The following GPC5 variants were observed in gnomAD, a reference collection of about 807,000 sequenced individuals.
GPC5 encodes glypican-5.
Under a neutral mutation model 53.9 loss-of-function variants are expected in GPC5, and 47 were observed. That is an observed-to-expected ratio of 0.87 (90% CI 0.69 to 1.11). GPC5 has a LOEUF of 1.11. Among genes scored for constraint, GPC5 ranks in the 50% most tolerant of loss-of-function variants. The pLI, the probability that GPC5 is intolerant of heterozygous loss-of-function variation, is 0.00. For missense variants in GPC5, 748 were observed against 713.1 expected, an observed-to-expected ratio of 1.05 and a Z score of -0.56; for synonymous variants, 286 against 263.3, an observed-to-expected ratio of 1.09 and a Z score of -0.84.
In GPC5 at chr13:91,984,446, C is replaced by T. The variant is rs552367305; in HGVS notation, c.1401+76389C>T. 4.6e-5 allele frequency among the ~76,000 whole-genome samples: 7 copies of T among 152,278 alleles called. No homozygotes were observed. In the South Asian group the frequency reaches 1.4e-3, roughly 32 times the overall value. On this transcript the variant is annotated intron_variant, in intron 6 of 7. Coordinates refer to ENST00000377067, the MANE Select transcript of GPC5 (RefSeq NM_004466.6). ...GCTATAGTCCCTGATCTGCACTTTA[C>T]GTGGTACTCTTGATTGTACAGCACA...
intron 7 of GPC5, among the ~76,000 whole-genome samples, chr13:92,236,708 G>A (rs530425880): frequency 1.3e-4 from 20 of 152,090 alleles, no homozygotes; most frequent in African/African-American, 3.4e-4. Context: ...ATATCATCAC[G>A]AATTAATAAA....
At chr13:91,482,057 T>C (rs1383306904) in intron 2 of GPC5, among the ~76,000 whole-genome samples, 2 of 152,220 alleles carry the variant, frequency 1.3e-5, no homozygotes, top group Non-Finnish European at 2.9e-5. Flanking sequence ...GCCTCCTTGG[T>C]TACAATGATT....
At chr13:92,799,793 G>A (rs1207811221) in intron 7 of GPC5, among the ~76,000 whole-genome samples, 5 of 151,616 alleles carry the variant, frequency 3.3e-5, no homozygotes, top group African/African-American at 4.8e-5. Flanking sequence ...TCTATCAGTC[G>A]CTTTTCTCCT....
intron 5 of GPC5, among the ~76,000 whole-genome samples, chr13:91,861,134 A>G (rs998156733): frequency 6.6e-6 from 1 of 152,140 alleles, no homozygotes; most frequent in Non-Finnish European, 1.5e-5. Flanking sequence ...TTAACTCAGC[A>G]TTTGGCCTAT....
chr13:91,422,502 A>G (rs1023135983), intron 1 of GPC5, among the ~76,000 whole-genome samples: 1 of 152,176 alleles, frequency 6.6e-6, no homozygotes, highest in East Asian at 1.9e-4. Flanking sequence ...CAGGCATGGT[A>G]GTAGGTGCCT....
At chr13:92,698,452 T>A (rs968859645) in intron 7 of GPC5, among the ~76,000 whole-genome samples, 14 of 152,142 alleles carry the variant, frequency 9.2e-5, no homozygotes, top group Admixed American at 8.5e-4. Flanking sequence ...TTGCTGAGAA[T>A]GATGGTTTCC....
intron 7 of GPC5, among the ~76,000 whole-genome samples, chr13:92,849,050 A>G (rs962326386): frequency 2.2e-4 from 34 of 152,120 alleles, no homozygotes; most frequent in African/African-American, 8.0e-4. Flanking sequence ...TATTTTCATA[A>G]GATCTTGTTG....
At chr13:92,706,212 A>ATGTT (rs1594438327) in intron 7 of GPC5, among the ~76,000 whole-genome samples, 1 of 152,108 alleles carries the variant, frequency 6.6e-6, no homozygotes, top group Admixed American at 6.6e-5. Context: ...TTCATTTGCC[A>ATGTT]TGTTTGTAGG....
chr13:92,072,221 AT>A (rs1178771217), intron 6 of GPC5, among the ~76,000 whole-genome samples: 2 of 149,158 alleles, frequency 1.3e-5, no homozygotes, highest in African/African-American at 2.4e-5. Context: ...AAATATATTT[AT>A]TTTTTAAAGA....
At chr13:92,445,262 T>TCTC (rs1483264124) in intron 7 of GPC5, among the ~76,000 whole-genome samples, 34 of 124,788 alleles carry the variant, frequency 2.7e-4, no homozygotes, top group Middle Eastern at 3.9e-3. Flanking sequence ...TCTCTCTCTC[T>TCTC]TTTTTTTTTT....
chr13:91,671,780 C>CCAA (rs2035249718), intron 2 of GPC5, among the ~76,000 whole-genome samples: 22 of 33,122 alleles, frequency 6.6e-4, no homozygotes, highest in Non-Finnish European at 1.2e-3. Flanking sequence ...CAATCTGAAG[C>CCAA]AAAAAAAAAA....
At chr13:91,438,511 T>A (rs1880160514) in intron 1 of GPC5, among the ~76,000 whole-genome samples, 1 of 152,166 alleles carries the variant, frequency 6.6e-6, no homozygotes, top group Non-Finnish European at 1.5e-5. Context: ...TGCCTGATCG[T>A]TCCTCTGGAA....
rs374053846 is a variant in GPC5, at chr13:92,027,684, C to G, written c.1402-117146C>G. ...TGTTTTTAACCATCTCCCATGACTT[C>G]CCAGACTTTTTGAAGGGAATTTACA... On this transcript the variant is annotated intron_variant, in intron 6 of 7. Transcript: ENST00000377067. Among the ~76,000 whole-genome samples, 15 of 152,254 alleles carry G rather than the reference C, an allele frequency of 9.9e-5. No individual in the cohort carries two copies. In the East Asian group the frequency reaches 2.9e-3, roughly 29 times the overall value.
chr13:92,435,193 G>A (rs956292276), intron 7 of GPC5, among the ~76,000 whole-genome samples: 5 of 152,118 alleles, frequency 3.3e-5, no homozygotes, highest in African/African-American at 1.2e-4. Context: ...GGGATTACAG[G>A]CATGAGCCAC....
chr13:92,241,552 A>T (rs2042611665), intron 7 of GPC5: 1 of 152,194 alleles, frequency 6.6e-6, no homozygotes, highest in African/African-American at 2.4e-5. Flanking sequence ...TGGAACATAG[A>T]TTGAAAATCA....
intron 5 of GPC5, among the ~76,000 whole-genome samples, chr13:91,851,769 C>A (rs574308483): frequency 7.1e-6 from 1 of 140,666 alleles, no homozygotes. Context: ...TTTGTTCTTG[C>A]GATAGTTTAC....
chr13:91,926,047 A>G (rs1332859141), intron 6 of GPC5, among the ~76,000 whole-genome samples: 2 of 152,126 alleles, frequency 1.3e-5, no homozygotes, highest in African/African-American at 2.4e-5. Context: ...AGCCATTGCC[A>G]CAATGATTCT....
chr13:92,413,558 G>T (rs991999275), intron 7 of GPC5, among the ~76,000 whole-genome samples: 2 of 152,138 alleles, frequency 1.3e-5, no homozygotes, highest in East Asian at 3.9e-4. Context: ...ATTTTAGAAT[G>T]AATTGGTGGA....
intron 7 of GPC5, among the ~76,000 whole-genome samples, chr13:92,778,962 G>GAT (rs199662892): frequency 0.047 from 6,803 of 143,668 alleles, 262 homozygotes; most frequent in East Asian, 0.16. Flanking sequence ...ATATGTGCAA[G>GAT]ATATACACAC....
Sources: gnomAD v4.1 joint callset for allele counts (sites outside exome capture counted in the v4.1 genomes callset) on GRCh38, gnomAD v4.1.1 for gene constraint, MANE v1.5 for transcripts, NCBI Gene and HGNC (gene_info 2026-07-23, HGNC 2026-07-21) for gene names.